The following ITPR1 variants were observed in gnomAD, a reference collection of about 807,000 sequenced individuals.
ITPR1 encodes inositol 1,4,5-trisphosphate-gated calcium channel ITPR1.
In ITPR1, 96 loss-of-function variants were observed where a neutral mutation model predicts 318.4. That is an observed-to-expected ratio of 0.30 (90% CI 0.26 to 0.36). ITPR1 has a LOEUF of 0.36. Ranked by LOEUF, ITPR1 falls within the 10% of genes least tolerant of loss-of-function variation. The pLI, the probability that ITPR1 is intolerant of heterozygous loss-of-function variation, is 1.00. For synonymous variants in ITPR1, 1,312 were observed against 1,289.9 expected (o/e 1.02, Z -0.37); for missense variants, 2,440 against 3,460.2 (o/e 0.71, Z 7.40).
At chr3:4,563,511 A>G (rs1487480980) in intron 4 of ITPR1, among the ~76,000 whole-genome samples, 2 of 152,176 alleles carry the variant, frequency 1.3e-5, no homozygotes, top group Non-Finnish European at 2.9e-5. Context: ...CCTGTCTCAA[A>G]AAAAATAAAA....
chr3:4,534,687 G>A (rs907193074), intron 4 of ITPR1, among the ~76,000 whole-genome samples: 1 of 152,176 alleles, frequency 6.6e-6, no homozygotes, highest in African/African-American at 2.4e-5. Context: ...CAATTTGGGT[G>A]CTTCTGAAAT....
chr3:4,644,282 G>C, intron 8 of ITPR1, 48 bp downstream of exon 8: 2 of 1,305,298 alleles, frequency 1.5e-6, no homozygotes, highest in South Asian at 2.6e-5. Context: ...CTGCAGGAGC[G>C]GGTCTGGCAG....
At chr3:4,576,019 C>CAAAAAAAAAAAAAAAAAAAAAAAAAA (rs35517382) in intron 4 of ITPR1, among the ~76,000 whole-genome samples, 2 of 80,780 alleles carry the variant, frequency 2.5e-5, no homozygotes, top group African/African-American at 7.6e-5. Flanking sequence ...GATGCTGTCT[C>CAAAAAAAAAAAAAAAAAAAAAAAAAA]AAAAAAAAAA....
intron 42 of ITPR1, 77 bp downstream of exon 42, chr3:4,727,250 T>C (rs1008103131): frequency 2.0e-6 from 2 of 1,020,480 alleles, no homozygotes; most frequent in African/African-American, 1.6e-5. Flanking sequence ...CACACTGTGA[T>C]TGAGAGACAG....
chr3:4,552,500 C>T (rs1177008773), intron 4 of ITPR1, among the ~76,000 whole-genome samples: 1 of 152,192 alleles, frequency 6.6e-6, no homozygotes, highest in Non-Finnish European at 1.5e-5. Context: ...AGGAGATACA[C>T]AGGGTGAGGT....
At chr3:4,843,728 G>GGGAC (rs2051544505) in intron 61 of ITPR1, among the ~76,000 whole-genome samples, 1 of 152,218 alleles carries the variant, frequency 6.6e-6, no homozygotes, top group Non-Finnish European at 1.5e-5. Flanking sequence ...CTTAAGGATA[G>GGGAC]GGACGGAGGG....
intron 30 of ITPR1, 81 bp from the exon 31 acceptor site, chr3:4,688,414 G>T (rs1282775942): frequency 1.3e-6 from 2 of 1,552,228 alleles, no homozygotes; most frequent in Non-Finnish European, 1.8e-6. Context: ...TGACTCCCAC[G>T]TTAGCAGGAG....
intron 4 of ITPR1, among the ~76,000 whole-genome samples, chr3:4,579,436 TAATAG>T (rs2089057610): frequency 6.6e-6 from 1 of 152,154 alleles, no homozygotes. Context: ...ACATTGAAAA[TAATAG>T]ATTAGAGGAA....
intron 3 of ITPR1, among the ~76,000 whole-genome samples, 191 bp downstream of exon 3, chr3:4,516,774 T>G (rs1240525347): frequency 6.6e-6 from 1 of 152,248 alleles, no homozygotes; most frequent in Non-Finnish European, 1.5e-5. Context: ...TTTCTGTATA[T>G]TTCTGAAAGA....
At chr3:4,741,121 C>T (rs1474619101) in intron 44 of ITPR1, among the ~76,000 whole-genome samples, 2 of 152,160 alleles carry the variant, frequency 1.3e-5, no homozygotes, top group African/African-American at 2.4e-5. Flanking sequence ...AAGTTCCCTT[C>T]GCTTCCTCTT....
intron 46 of ITPR1, 44 bp from the exon 47 acceptor site, chr3:4,775,198 C>G: frequency 7.3e-7 from 1 of 1,361,998 alleles, no homozygotes; most frequent in Non-Finnish European, 1.1e-6. Context: ...TTTCCCTCTT[C>G]CCTCTGCCTT....
At chr3:4,812,231 T>C (rs1025438237) in intron 56 of ITPR1, among the ~76,000 whole-genome samples, 2 of 152,074 alleles carry the variant, frequency 1.3e-5, no homozygotes, top group Non-Finnish European at 2.9e-5. Context: ...AGAGATAGGT[T>C]CTTGCCATGT....
intron 44 of ITPR1, among the ~76,000 whole-genome samples, chr3:4,747,705 A>G (rs1276328084): frequency 1.3e-5 from 2 of 152,212 alleles, no homozygotes; most frequent in East Asian, 1.9e-4. Context: ...TGTGTGCTAC[A>G]TACATGTACT....
At chr3:4,593,174 C>T (rs1345097590) in intron 4 of ITPR1, among the ~76,000 whole-genome samples, 1 of 152,146 alleles carries the variant, frequency 6.6e-6, no homozygotes, top group Non-Finnish European at 1.5e-5. Context: ...GATTTTAGGT[C>T]TTTTGATCAT....
At chr3:4,728,686 T>C (rs1575038366) in intron 42 of ITPR1, among the ~76,000 whole-genome samples, 1 of 152,208 alleles carries the variant, frequency 6.6e-6, no homozygotes, top group Admixed American at 6.5e-5. Context: ...GCAGGTCTTG[T>C]TCATTTTTTG....
chr3:4,680,268 A>T (rs1448607420), intron 24 of ITPR1, among the ~76,000 whole-genome samples: 1 of 152,224 alleles, frequency 6.6e-6, no homozygotes, highest in South Asian at 2.1e-4. Flanking sequence ...GACTCCATTT[A>T]TGGAGCCAGG....
intron 14 of ITPR1, 34 bp downstream of exon 14, chr3:4,661,121 C>G (rs757671443): frequency 1.6e-6 from 2 of 1,244,780 alleles, no homozygotes; most frequent in East Asian, 2.3e-5. Context: ...TCCTTTTGGT[C>G]TCGTGTTTCC....
chr3:4,503,036 G>T (rs1324619936), intron 2 of ITPR1, among the ~76,000 whole-genome samples: 1 of 151,870 alleles, frequency 6.6e-6, no homozygotes, highest in East Asian at 1.9e-4. Context: ...AGTGAGCTGA[G>T]ATCGCACCAC....
At chr3:4,601,143 G>T (rs1253320242) in intron 4 of ITPR1, among the ~76,000 whole-genome samples, 1 of 147,758 alleles carries the variant, frequency 6.8e-6, no homozygotes, top group African/African-American at 2.5e-5. Context: ...TTTCAACATA[G>T]ATATCAGAAC....
Sources: gnomAD v4.1 joint callset for allele counts (sites outside exome capture counted in the v4.1 genomes callset) on GRCh38, gnomAD v4.1.1 for gene constraint, MANE v1.5 for transcripts, NCBI Gene and HGNC (gene_info 2026-07-23, HGNC 2026-07-21) for gene names.